Variants in PAPPA observed in about 807,000 individuals in gnomAD.
PAPPA encodes pappalysin-1.
PAPPA carries 60 observed loss-of-function variants against 164.0 expected under a neutral mutation model. The ratio of observed to expected loss-of-function variants is 0.37; its 90% confidence interval spans 0.30 to 0.45. The LOEUF (loss-of-function observed/expected upper bound fraction) is 0.45, where lower values mean the gene tolerates loss of function less well. Ranked by LOEUF, PAPPA falls within the 20% of genes least tolerant of loss-of-function variation. The pLI is 1.00. For synonymous variants in PAPPA, 875 were observed against 814.1 expected (o/e 1.07, Z -1.27); for missense variants, 1,782 against 2,087.3 (o/e 0.85, Z 2.85).
chr9:116,371,936 T>C (rs1846580726), intron 19 of PAPPA, among the ~76,000 whole-genome samples: 1 of 152,212 alleles, frequency 6.6e-6, no homozygotes. Flanking sequence ...TTGGTCCCTA[T>C]CACTACGAAT....
intron 6 of PAPPA, among the ~76,000 whole-genome samples, chr9:116,233,441 G>T (rs1196144581): frequency 6.6e-6 from 1 of 152,234 alleles, no homozygotes; most frequent in East Asian, 1.9e-4. Flanking sequence ...CTTCAGCTAG[G>T]TGGGGAGTCC....
In PAPPA at chr9:116,211,705, T is replaced by C. The variant is rs201690145; in HGVS notation, c.1691T>C (p.Ile564Thr). Residue 564 changes from isoleucine (I) to threonine (T), a missense_variant, in exon 4 of 22, where the codon ATT (isoleucine) becomes ACT (threonine). Ile to Thr is a moderately conservative substitution (Grantham distance 89). Coordinates refer to ENST00000328252, the MANE Select transcript of PAPPA (RefSeq NM_002581.5). ...PGHTHTMIHE[I>T]GHSLGLYHVF... ...CACACCCACACCATGATCCATGAGA[T>C]TGGTCACAGCCTGGGCCTCTATCAC... is the stretch of plus-strand genomic sequence containing the variant. 43 of 1,614,134 alleles carry C rather than the reference T, an allele frequency of 2.7e-5. No homozygotes were observed. Among genetic ancestry groups the C allele is most frequent in the Non-Finnish European group, 3.5e-5 (41 of 1,179,992 alleles).
At chr9:116,328,919 T>C (rs904961477) in intron 10 of PAPPA, among the ~76,000 whole-genome samples, 1 of 152,232 alleles carries the variant, frequency 6.6e-6, no homozygotes, top group African/African-American at 2.4e-5. Flanking sequence ...CATATTGTAT[T>C]TGCAACTTTA....
At chr9:116,165,962 C>T (rs1328866104) in intron 1 of PAPPA, among the ~76,000 whole-genome samples, 3 of 152,140 alleles carry the variant, frequency 2.0e-5, no homozygotes, top group Admixed American at 6.6e-5. Context: ...ATCTCAAGTT[C>T]TCTATTGCCT....
intron 1 of PAPPA, among the ~76,000 whole-genome samples, chr9:116,159,833 C>G (rs1843646994): frequency 6.6e-6 from 1 of 152,174 alleles, no homozygotes; most frequent in South Asian, 2.1e-4. Flanking sequence ...TGGACATGAA[C>G]TCAGTGATCA....
intron 2 of PAPPA, among the ~76,000 whole-genome samples, chr9:116,199,864 C>T (rs967260821): frequency 2.0e-5 from 3 of 152,058 alleles, no homozygotes; most frequent in Non-Finnish European, 2.9e-5. Context: ...ATGCAGAAAT[C>T]ACATGGCAAG....
Position 116,154,052 on chromosome 9 carries a change from A to G in PAPPA, c.-121A>G, listed in dbSNP as rs1199627189. 1.8e-6 allele frequency: 2 copies of G among 1,140,804 alleles called. No homozygotes were observed. Among genetic ancestry groups the G allele is most frequent in the Non-Finnish European group, 1.1e-6 (1 of 920,092 alleles). The allele number at this position is 1,140,804 out of a possible 1,614,324, so 70.7% of individuals were successfully genotyped here. On this transcript the variant is annotated 5_prime_UTR_variant, in exon 1 of 22. Coordinates refer to ENST00000328252, the MANE Select transcript of PAPPA (RefSeq NM_002581.5). The surrounding 1 kb of genome is among the most constrained non-coding windows in gnomAD (Gnocchi z 5.2). Reference sequence around the variant, plus strand: ...AGAAAGAAAAGAAAAAAGCAAGTGGAAAGGGGGGCTCGCCCAAGAAGGGTG... The same window carrying G: ...AGAAAGAAAAGAAAAAAGCAAGTGGGAAGGGGGGCTCGCCCAAGAAGGGTG...
At position 116,187,203 on chromosome 9, in the gene PAPPA, G is replaced by C; in HGVS notation, c.465G>C (p.Val155=). 1 of 1,614,114 alleles carries C rather than the reference G, an allele frequency of 6.2e-7. No individual in the cohort carries two copies. Among genetic ancestry groups the C allele is most frequent in the Non-Finnish European group, 8.5e-7 (1 of 1,180,010 alleles). Residue 155 remains valine (V), a synonymous_variant, in exon 2 of 22, where the codon GTG becomes GTC. Coordinates refer to ENST00000328252, the MANE Select transcript of PAPPA (RefSeq NM_002581.5). This position sits in a 1 kb window ranked among gnomAD's most constrained non-coding sequence, Gnocchi z 4.2. The stretch of plus-strand genomic sequence containing the variant: ...TCTCACGTGACCGAGGATGGGTCGT[G>C]GGCATTCACACCATCAGTGACCAAG... The part of the protein sequence containing the change: ...SYISRDRGWV[V]GIHTISDQDN...
chr9:116,270,571 G>A (rs1296988293), intron 8 of PAPPA, among the ~76,000 whole-genome samples: 6 of 152,182 alleles, frequency 3.9e-5, no homozygotes, highest in Non-Finnish European at 7.4e-5. Flanking sequence ...CCGTTTTCCA[G>A]AAAGCAGTAA....
At chr9:116,254,781 C>CAAA (rs143327103) in intron 7 of PAPPA, among the ~76,000 whole-genome samples, 7 of 60,276 alleles carry the variant, frequency 1.2e-4, no homozygotes, top group Non-Finnish European at 2.0e-4. Context: ...GACTCCGTCT[C>CAAA]AAAAAAAAAA....
At chr9:116,396,410 C>A in intron 21 of PAPPA, 99 bp from the exon 22 acceptor site, 1 of 744,392 alleles carries the variant, frequency 1.3e-6, no homozygotes, top group Non-Finnish European at 2.5e-6. Context: ...CTTGAACCTT[C>A]TGCTCCTCAA....
intron 17 of PAPPA, among the ~76,000 whole-genome samples, chr9:116,359,474 G>A (rs1386022412): frequency 6.6e-6 from 1 of 152,160 alleles, no homozygotes; most frequent in East Asian, 1.9e-4. Flanking sequence ...TACAACTGGA[G>A]TCAAACATAC....
intron 9 of PAPPA, among the ~76,000 whole-genome samples, chr9:116,292,986 T>G (rs1481803937): frequency 6.6e-6 from 1 of 152,098 alleles, no homozygotes; most frequent in Non-Finnish European, 1.5e-5. Flanking sequence ...GGCTACTTCT[T>G]TATATGCTTC....
intron 11 of PAPPA, 117 bp from the exon 12 acceptor site, chr9:116,332,216 T>G: frequency 1.3e-6 from 1 of 751,316 alleles, no homozygotes; most frequent in Non-Finnish European, 2.2e-6. Context: ...GGACCCCTGA[T>G]GAGTAGTAGC....
chr9:116,291,001 G>A (rs977109052), intron 9 of PAPPA, among the ~76,000 whole-genome samples: 7 of 151,960 alleles, frequency 4.6e-5, no homozygotes, highest in Non-Finnish European at 8.8e-5. Context: ...GGATTTTACC[G>A]CCTCTTTCAT....
At chr9:116,373,577 C>G (rs1846604349) in intron 19 of PAPPA, 1 of 152,092 alleles carries the variant, frequency 6.6e-6, no homozygotes, top group African/African-American at 2.4e-5. Flanking sequence ...TAGATGCTTT[C>G]TCACATGTCT....
In PAPPA at chr9:116,235,252, C is replaced by A. The variant is rs748260748; in HGVS notation, c.2347C>A (p.Leu783Ile). 3 of 1,614,142 alleles carry A rather than the reference C, an allele frequency of 1.9e-6. No homozygotes were observed. The highest frequency in any genetic ancestry group is 1.7e-5 in the Admixed American group (1 of 60,024). The stretch of plus-strand genomic sequence containing the variant: ...CTGCCCTGAGCCTCAAGGCTGCTAC[C>A]TCGAGCTGGAGTTCCTCTACCCCTT... ...PACPEPQGCY[L>I]ELEFLYPLVP... The change falls in exon 7 of 22, where the codon CTC (leucine) becomes ATC (isoleucine). Residue 783 changes from leucine to isoleucine, a missense_variant. Coordinates refer to ENST00000328252, the MANE Select transcript of PAPPA (RefSeq NM_002581.5).
chr9:116,177,266 C>A (rs1209174519), intron 1 of PAPPA, among the ~76,000 whole-genome samples: 9 of 152,212 alleles, frequency 5.9e-5, no homozygotes, highest in Non-Finnish European at 1.3e-4. Flanking sequence ...AGAGCCAGAA[C>A]TTAAAACAGC....
intron 2 of PAPPA, among the ~76,000 whole-genome samples, chr9:116,195,519 A>G (rs73525824): frequency 0.034 from 5,164 of 152,280 alleles, 311 homozygotes; most frequent in African/African-American, 0.12. Flanking sequence ...AACCTTGCAC[A>G]GGTCTCTTCC....
Sources: gnomAD v4.1 joint callset for allele counts (sites outside exome capture counted in the v4.1 genomes callset) on GRCh38, gnomAD v4.1.1 for gene constraint, Gnocchi (gnomAD v3.1) non-coding constraint, MANE v1.5 for transcripts, NCBI Gene and HGNC (gene_info 2026-07-23, HGNC 2026-07-21) for gene names.